Variants in SAFB observed in about 807,000 individuals in gnomAD.
SAFB encodes the protein scaffold attachment factor B1.
In SAFB, 15 loss-of-function variants were observed where a neutral mutation model predicts 101.6. That is an observed-to-expected ratio of 0.15 (90% CI 0.10 to 0.23). The LOEUF is 0.23. Among genes scored for constraint, SAFB ranks in the 10% least tolerant of loss-of-function variants. The probability of loss-of-function intolerance (pLI) is 1.00; values close to 1 mark genes in which losing one functional copy is unlikely to be tolerated. For synonymous variants in SAFB, 449 were observed against 407.5 expected (o/e 1.10, Z -1.23); for missense variants, 930 against 1,104.1 (o/e 0.84, Z 2.23).
At chr19:5,642,155 C>G (rs547462224) in intron 4 of SAFB, 31 of 632,884 alleles carry the variant, frequency 4.9e-5, no homozygotes, top group Middle Eastern at 4.1e-4. Context: ...TATCCATTTG[C>G]GGCATACAGT....
chr19:5,648,474 A>G (rs899828386), intron 6 of SAFB: 2 of 276,798 alleles, frequency 7.2e-6, no homozygotes, highest in Non-Finnish European at 1.4e-5. Context: ...AATTTGAGAC[A>G]TAACTGGATT....
intron 2 of SAFB, among the ~76,000 whole-genome samples, chr19:5,633,992 G>C (rs10405580): frequency 0.012 from 1,850 of 152,212 alleles, 47 homozygotes; most frequent in African/African-American, 0.042. Context: ...AAACTTGCTA[G>C]CTGGTTAAAA....
intron 2 of SAFB, among the ~76,000 whole-genome samples, chr19:5,631,354 ACTAGCT>A (rs1384848653): frequency 6.6e-6 from 1 of 152,200 alleles, no homozygotes; most frequent in Non-Finnish European, 1.5e-5. Context: ...GCCATGCAAT[ACTAGCT>A]CTTTTGTGTC....
At chr19:5,659,528 C>T (rs1441219021) in intron 14 of SAFB, among the ~76,000 whole-genome samples, 1 of 151,790 alleles carries the variant, frequency 6.6e-6, no homozygotes, top group African/African-American at 2.4e-5. Context: ...ACTACAGGCG[C>T]CTGCCATCAT....
At chr19:5,664,288 T>G in intron 16 of SAFB, 109 bp from the exon 17 acceptor site, 1 of 1,430,656 alleles carries the variant, frequency 7.0e-7, no homozygotes, top group Non-Finnish European at 9.8e-7. Flanking sequence ...CCCGCAGGTC[T>G]CCTGCCTTCA....
In SAFB at chr19:5,667,242, C is replaced by T; in HGVS notation, c.2453+78C>T. The T allele has an allele frequency of 1.6e-6, 2 of 1,256,476 alleles. No homozygotes were observed. Among genetic ancestry groups the T allele is most frequent in the South Asian group, 1.5e-5 (1 of 68,754 alleles). 77.8% of individuals were successfully genotyped at this position (1,256,476 alleles called of 1,614,324 possible). A position where few individuals can be genotyped will look rare whatever the true frequency, so the allele number is the denominator to read the frequency against. On this transcript the variant is annotated intron_variant, in intron 18 of 20. Coordinates refer to ENST00000588852, the MANE Select transcript of SAFB (RefSeq NM_001201338.2). The surrounding 1 kb of genome is among the most constrained non-coding windows in gnomAD (Gnocchi z 4.0). Reference sequence around the variant, plus strand: ...CCCGCAAGTCGCTGGGATGTGGGCACAGGGTGGGAAACACAGAGGGATTCA... The same window carrying T: ...CCCGCAAGTCGCTGGGATGTGGGCATAGGGTGGGAAACACAGAGGGATTCA...
At chr19:5,640,337 C>T (rs373168977) in intron 2 of SAFB, among the ~76,000 whole-genome samples, 1 of 135,910 alleles carries the variant, frequency 7.4e-6, no homozygotes, top group Non-Finnish European at 1.6e-5. Context: ...AAATTTTTAA[C>T]AGAGATTCAA....
Position 5,668,372 on chromosome 19 carries a change from T to A in SAFB, c.*81T>A. On this transcript the variant is annotated 3_prime_UTR_variant, in exon 21 of 21. Transcript: ENST00000588852. ...TTACCTTAAACTGTGTAAAAATATTTTTTTTTAATCTGCTGCCATATTGTA... is the reference window on the plus strand; with the variant it reads ...TTACCTTAAACTGTGTAAAAATATTATTTTTTAATCTGCTGCCATATTGTA... 1 of 1,484,428 alleles carries A rather than the reference T, an allele frequency of 6.7e-7. No homozygotes were observed. Among genetic ancestry groups the A allele is most frequent in the Non-Finnish European group, 8.9e-7 (1 of 1,118,284 alleles). The allele number at this position is 1,484,428 out of a possible 1,614,324, so 92.0% of individuals were successfully genotyped here.
In SAFB at chr19:5,662,834, GT is replaced by G. The variant is rs911877612; in HGVS notation, c.2153+1030del. 1.5e-4 allele frequency among the ~76,000 whole-genome samples: 23 copies of G among 151,266 alleles called. No homozygotes were observed. In the South Asian group the frequency reaches 1.9e-3, roughly 12 times the overall value. On this transcript the variant is annotated intron_variant, in intron 15 of 20. Transcript: ENST00000588852. ...TTTTGTTTTTTTTAGTAGAGATGGG[GT>G]TTTGCCATGTTGGTCAGGCTGATCT...
At position 5,623,286 on chromosome 19, in the gene SAFB, G is replaced by A; in HGVS notation, c.81G>A (p.Gly27=). The part of the protein sequence containing the change: ...AALSSASSET[G]TRRLSDLRVI... ...TGAGCTCCGCCTCGTCAGAGACCGGGACGCGGCGCCTCAGCGACCTGCGAG... is the reference window on the plus strand; with the variant it reads ...TGAGCTCCGCCTCGTCAGAGACCGGAACGCGGCGCCTCAGCGACCTGCGAG... The change falls in exon 1 of 21, where the codon GGG becomes GGA. Residue 27 remains glycine, a synonymous_variant. Transcript: ENST00000588852. 1 of 1,613,548 alleles carries A rather than the reference G, an allele frequency of 6.2e-7. No homozygotes were observed. Among genetic ancestry groups the A allele is most frequent in the Admixed American group, 1.7e-5 (1 of 60,006 alleles).
At chr19:5,638,796 A>G (rs1285816105) in intron 2 of SAFB, among the ~76,000 whole-genome samples, 1 of 133,342 alleles carries the variant, frequency 7.5e-6, no homozygotes, top group East Asian at 2.2e-4. Context: ...TTCTCGCCTC[A>G]TTGCAATTTC....
intron 14 of SAFB, among the ~76,000 whole-genome samples, chr19:5,659,695 GAAAA>G (rs796338709): frequency 7.9e-6 from 1 of 126,662 alleles, no homozygotes; most frequent in Non-Finnish European, 1.8e-5. Context: ...CCTTTAAAAA[GAAAA>G]AAAAAAAAAA....
chr19:5,655,185 A>G (rs13345696), intron 13 of SAFB, among the ~76,000 whole-genome samples: 33,634 of 152,042 alleles, frequency 0.22, 3,903 homozygotes, highest in Middle Eastern at 0.33. Context: ...TGAGCTGAGC[A>G]TGGTGGCTCA....
rs762790910 is a variant in SAFB, at chr19:5,664,388, C to A, written c.2292-9C>A. ...TCCCCTTACGGTTTGATTTAAATTG[C>A]CTTTTCAGGAGAGAAGGTTCAAGGT... On this transcript the variant is annotated splice_polypyrimidine_tract_variant and intron_variant, in intron 16 of 20. Transcript: ENST00000588852. 2.0e-5 allele frequency: 32 copies of A among 1,611,666 alleles called. No homozygotes were observed. Among genetic ancestry groups the A allele is most frequent in the Middle Eastern group, 3.3e-4 (2 of 6,078 alleles).
chr19:5,649,632 T>G (rs1395386437), intron 7 of SAFB, 133 bp downstream of exon 7: 1 of 588,716 alleles, frequency 1.7e-6, no homozygotes, highest in Non-Finnish European at 3.1e-6. Context: ...TAAAGAATGT[T>G]TCGTTTCTCT....
chr19:5,652,656 A>C (rs960917503), intron 9 of SAFB, among the ~76,000 whole-genome samples: 2 of 151,998 alleles, frequency 1.3e-5, no homozygotes, highest in African/African-American at 4.8e-5. Context: ...GTTTTGTTAC[A>C]GTCAATGATA....
chr19:5,641,604 A>G lies in SAFB; in HGVS notation c.285A>G (p.Pro95=). The stretch of plus-strand genomic sequence containing the variant: ...TGATTCTGTCTTCAGGGCGCAAACC[A>G]GAAGAAGAGGGTGTGGAAGATAACG... ...TSKRSSKGRK[P]EEEGVEDNGL... Residue 95 remains proline, a synonymous_variant, in exon 3 of 21, where the codon CCA becomes CCG. Transcript: ENST00000588852. The G allele has an allele frequency of 1.2e-6, 2 of 1,613,922 alleles. No homozygotes were observed. The highest frequency in any genetic ancestry group is 1.7e-6 in the Non-Finnish European group (2 of 1,179,926).
At chr19:5,656,006 C>A (rs1234794726) in intron 13 of SAFB, among the ~76,000 whole-genome samples, 1 of 152,142 alleles carries the variant, frequency 6.6e-6, no homozygotes, top group African/African-American at 2.4e-5. Context: ...GGGCAATACT[C>A]ATTTCCATTT....
intron 13 of SAFB, among the ~76,000 whole-genome samples, chr19:5,655,991 T>G (rs2054050277): frequency 6.6e-6 from 1 of 152,216 alleles, no homozygotes; most frequent in African/African-American, 2.4e-5. Context: ...ATATGAAGTT[T>G]TCGGGGGCAA....
Sources: gnomAD v4.1 joint callset for allele counts (sites outside exome capture counted in the v4.1 genomes callset) on GRCh38, gnomAD v4.1.1 for gene constraint, Gnocchi (gnomAD v3.1) non-coding constraint, MANE v1.5 for transcripts, NCBI Gene and HGNC (gene_info 2026-07-23, HGNC 2026-07-21) for gene names.